KCTD14: variants seen among roughly 807,000 people sequenced by gnomAD.
The protein encoded by KCTD14 is potassium channel tetramerization domain containing 14.
In KCTD14, 7 loss-of-function variants were observed where a neutral mutation model predicts 5.9. The observed-to-expected ratio is 1.19, with a 90% CI of 0.68 to 2.23. KCTD14 has a LOEUF of 2.23. Among genes scored for constraint, KCTD14 ranks in the 30% most tolerant of loss-of-function variants. The pLI is 0.00. For synonymous variants in KCTD14, 140 were observed against 133.1 expected (o/e 1.05, Z -0.36); for missense variants, 342 against 332.2 (o/e 1.03, Z -0.23).
chr11:78,018,736 A>G lies in KCTD14; in HGVS notation c.91-1466T>C, dbSNP rs182352032. On this transcript the variant is annotated intron_variant, in intron 1 of 1. Transcript: ENST00000353172. ...AAAAAAATAAGAAGAAGAAAGTAAAATGGGGACGTGGAGTTGTTATGAAGT... is the reference window on the plus strand; with the variant it reads ...AAAAAAATAAGAAGAAGAAAGTAAAGTGGGGACGTGGAGTTGTTATGAAGT... 4.5e-3 allele frequency among the ~76,000 whole-genome samples: 685 copies of G among 152,104 alleles called. 3 individuals carry two copies. Among genetic ancestry groups the G allele is most frequent in the African/African-American group, 0.016 (662 of 41,514 alleles).
chr11:78,022,535 T>C (rs1857334163), intron 1 of KCTD14, among the ~76,000 whole-genome samples: 2 of 152,142 alleles, frequency 1.3e-5, no homozygotes, highest in South Asian at 2.1e-4. Context: ...CTGCTTTCTC[T>C]TCCTCCAGGT....
rs542605179 is a variant in KCTD14 at position 78,035,610 on chromosome 11, G to A, written c.-1+3054C>T. On this transcript the variant is annotated intron_variant, in intron 2 of 2. Transcript: ENST00000533144. ...TGTAATCCTAGCACTTTGGGAGGCC[G>A]AGGCGGGTGGATCACTTGAGGTCAG... Among the ~76,000 whole-genome samples, 8 of 149,346 alleles carry A rather than the reference G, an allele frequency of 5.4e-5. No homozygotes were observed. In the East Asian group the frequency reaches 1.2e-3, roughly 22 times the overall value.
chr11:78,028,521 T>A (rs1857528139), intron 2 of KCTD14, among the ~76,000 whole-genome samples: 1 of 151,290 alleles, frequency 6.6e-6, no homozygotes, highest in Admixed American at 6.6e-5. Flanking sequence ...GAGAATTGCT[T>A]GAATCCGGGA....
In KCTD14 at chr11:78,016,555, G is replaced by A. The variant is rs1240942606; in HGVS notation, c.*38C>T. 5.2e-6 allele frequency: 8 copies of A among 1,542,698 alleles called. No individual in the cohort carries two copies. In the East Asian group the frequency reaches 1.8e-4, roughly 35 times the overall value. On this transcript the variant is annotated 3_prime_UTR_variant, in exon 2 of 2. Transcript: ENST00000353172. ...TTGATGGCAACTTTTAATTTCATAA[G>A]CCACGCCAGAATTCATAACAGTCTC...
At chr11:78,028,667 A>G (rs10793272) in intron 2 of KCTD14, among the ~76,000 whole-genome samples, 149,039 of 151,104 alleles carry the variant, frequency 0.99, 73,512 homozygotes, top group Middle Eastern at 1. Flanking sequence ...GGAGCCAGGC[A>G]TGGTGACTCA....
intron 2 of KCTD14, among the ~76,000 whole-genome samples, chr11:78,030,965 T>A (rs1293401029): frequency 6.6e-6 from 1 of 151,944 alleles, no homozygotes; most frequent in Non-Finnish European, 1.5e-5. Context: ...CAGGACTACA[T>A]CAGATTGATC....
chr11:78,035,844 CAAAAAAAAAA>C (rs559820760), intron 2 of KCTD14, among the ~76,000 whole-genome samples: 6 of 79,298 alleles, frequency 7.6e-5, no homozygotes, highest in Non-Finnish European at 1.3e-4. Context: ...GACTCCATCT[CAAAAAAAAAA>C]AAAAAAAAAA....
At chr11:78,020,740 T>C (rs1857284519) in intron 1 of KCTD14, among the ~76,000 whole-genome samples, 1 of 152,198 alleles carries the variant, frequency 6.6e-6, no homozygotes, top group Admixed American at 6.5e-5. Context: ...TAGGATGTGA[T>C]GAAGTTGGAG....
At chr11:78,035,543 T>G (rs1857764379) in intron 2 of KCTD14, among the ~76,000 whole-genome samples, 7 of 152,070 alleles carry the variant, frequency 4.6e-5, no homozygotes, top group Admixed American at 3.9e-4. Context: ...AGGGACTCTT[T>G]GTAAAGAGTC....
At chr11:78,033,901 G>GTATATATATATATATATA (rs1555054302) in intron 2 of KCTD14, among the ~76,000 whole-genome samples, 6 of 115,560 alleles carry the variant, frequency 5.2e-5, no homozygotes, top group Non-Finnish European at 8.4e-5. Context: ...GTGTGTGTGT[G>GTATATATATATATATATA]TATATATATA....
At chr11:78,045,039 T>G (rs1858097603) in intron 1 of KCTD14, among the ~76,000 whole-genome samples, 2 of 152,138 alleles carry the variant, frequency 1.3e-5, no homozygotes, top group African/African-American at 4.8e-5. Flanking sequence ...TAGAGGAAGG[T>G]CACACACAAG....
Position 78,016,644 on chromosome 11 carries a change from T to C in KCTD14, c.717A>G (p.Lys239=). ...FSKFYLTYPT[K]RNEFHFNIYS... is the part of the protein sequence containing the mutation. ...AAATGTTAAAATGGAATTCGTTTCT[T>C]TTGGTGGGGTACGTCAGGTAGAACT... is the stretch of plus-strand genomic sequence containing the variant. The change falls in exon 2 of 2, where the codon AAA becomes AAG. Residue 239 remains lysine (K), a synonymous_variant. Coordinates refer to ENST00000353172, the MANE Select transcript of KCTD14 (RefSeq NM_023930.4). The C allele has an allele frequency of 3.7e-6, 6 of 1,614,144 alleles. No homozygotes were observed. Among genetic ancestry groups the C allele is most frequent in the Non-Finnish European group, 5.1e-6 (6 of 1,180,016 alleles).
At chr11:78,039,529 A>C (rs1857930176) in intron 1 of KCTD14, among the ~76,000 whole-genome samples, 1 of 151,222 alleles carries the variant, frequency 6.6e-6, no homozygotes, top group South Asian at 2.1e-4. Flanking sequence ...ACTCTGTCTC[A>C]AAAAGAAAAA....
At chr11:78,044,826 G>A (rs889509382) in intron 1 of KCTD14, among the ~76,000 whole-genome samples, 25 of 152,098 alleles carry the variant, frequency 1.6e-4, no homozygotes, top group African/African-American at 6.0e-4. Context: ...ATCCTTGTCC[G>A]GTTTGACATT....
At chr11:78,019,052 C>A (rs558653845) in intron 1 of KCTD14, among the ~76,000 whole-genome samples, 1 of 143,490 alleles carries the variant, frequency 7.0e-6, no homozygotes, top group African/African-American at 2.7e-5. Context: ...GAGACAGAGT[C>A]TCGCTCAGTC....
chr11:78,039,756 A>G (rs1395316207), intron 1 of KCTD14, among the ~76,000 whole-genome samples: 1 of 152,034 alleles, frequency 6.6e-6, no homozygotes, highest in Admixed American at 6.6e-5. Flanking sequence ...AAAAAAAAAA[A>G]AAAAGTGTAC....
At position 78,023,233 on chromosome 11, in the gene KCTD14, G is replaced by A; in HGVS notation, c.17C>T (p.Ala6Val). MWQGC[A>V]VERPVGRMTS... ...CATCCTGCCCACTGGCCGCTCCACT[G>A]CGCAGCCCTGCCACATGCAGATCAC... is the stretch of plus-strand genomic sequence containing the variant. The change falls in exon 1 of 2, where the codon GCA becomes GTA. Residue 6 changes from alanine (A) to valine (V), a missense_variant. Coordinates refer to ENST00000353172, the MANE Select transcript of KCTD14 (RefSeq NM_023930.4). 6.2e-7 allele frequency: 1 copy of A among 1,608,786 alleles called. No homozygotes were observed. The highest frequency in any genetic ancestry group is 8.5e-7 in the Non-Finnish European group (1 of 1,179,570).
At chr11:78,037,804 A>G (rs1244515295) in intron 2 of KCTD14, among the ~76,000 whole-genome samples, 1 of 151,962 alleles carries the variant, frequency 6.6e-6, no homozygotes, top group East Asian at 1.9e-4. Flanking sequence ...AGTCAACAAG[A>G]GTGAGACCCT....
chr11:78,016,758 A>G lies in KCTD14; in HGVS notation c.603T>C (p.Phe201=), dbSNP rs1857175457. The change falls in exon 2 of 2, where the codon TTT becomes TTC. Residue 201 remains phenylalanine, a synonymous_variant. Transcript: ENST00000353172. ...TGTCTAGGACCGCCTTCCAGGGCCC[A>G]AACTTGACAACAGACTTGAACATCT... The part of the protein sequence containing the change: ...DKKMFKSVVK[F]GPWKAVLDNS... 6.2e-7 allele frequency: 1 copy of G among 1,614,080 alleles called. No homozygotes were observed. Among genetic ancestry groups the G allele is most frequent in the Non-Finnish European group, 8.5e-7 (1 of 1,180,026 alleles).
Sources: allele counts gnomAD v4.1 joint callset (sites outside exome capture counted in the v4.1 genomes callset), GRCh38; gene constraint gnomAD v4.1.1; transcripts MANE v1.5; gene names NCBI Gene and HGNC (gene_info 2026-07-23, HGNC 2026-07-21).